The following ADAM12 variants were observed in gnomAD, a reference collection of about 807,000 sequenced individuals.
ADAM12 encodes disintegrin and metalloproteinase domain-containing protein 12.
In ADAM12, 70 loss-of-function variants were observed where a neutral mutation model predicts 106.4. The ratio of observed to expected loss-of-function variants is 0.66; its 90% CI spans 0.54 to 0.80. ADAM12 has a LOEUF of 0.80. Among genes scored for constraint, ADAM12 ranks in the 30% least tolerant of loss-of-function variants. The probability of loss-of-function intolerance (pLI) is 0.00; values close to 1 mark genes in which losing one functional copy is unlikely to be tolerated. For missense variants in ADAM12, 1,010 were observed against 1,171.9 expected (o/e 0.86, Z 2.02); for synonymous variants, 420 against 433.5 (o/e 0.97, Z 0.39).
chr10:126,344,936 G>A (rs1855078802), intron 1 of ADAM12, among the ~76,000 whole-genome samples: 1 of 152,096 alleles, frequency 6.6e-6, no homozygotes, highest in Admixed American at 6.5e-5. Context: ...GAGACGATGG[G>A]GTTTTCTAAA....
chr10:126,231,368 C>A (rs1439118108), intron 3 of ADAM12, among the ~76,000 whole-genome samples: 1 of 149,034 alleles, frequency 6.7e-6, no homozygotes, highest in Non-Finnish European at 1.5e-5. Flanking sequence ...GGAAATAAGG[C>A]AACAGAAATA....
At chr10:126,115,892 T>C (rs1399128172) in intron 6 of ADAM12, among the ~76,000 whole-genome samples, 1 of 152,240 alleles carries the variant, frequency 6.6e-6, no homozygotes, top group Non-Finnish European at 1.5e-5. Flanking sequence ...TGAAATTATT[T>C]TTCGCACCAT....
intron 14 of ADAM12, among the ~76,000 whole-genome samples, chr10:126,052,766 C>A (rs1171582254): frequency 6.6e-6 from 1 of 152,078 alleles, no homozygotes; most frequent in Non-Finnish European, 1.5e-5. Flanking sequence ...ACGTGAATAC[C>A]AGATAAAGGG....
At chr10:126,067,650 C>G (rs1200197003) in intron 12 of ADAM12, among the ~76,000 whole-genome samples, 1 of 152,198 alleles carries the variant, frequency 6.6e-6, no homozygotes. Flanking sequence ...AGTCCTTGTA[C>G]TTGAGAACAT....
chr10:126,153,236 G>A (rs1456592995), intron 4 of ADAM12, among the ~76,000 whole-genome samples: 2 of 152,154 alleles, frequency 1.3e-5, no homozygotes, highest in Non-Finnish European at 2.9e-5. Flanking sequence ...TAGCTCTCAA[G>A]TTTTAATTGC....
intron 3 of ADAM12, among the ~76,000 whole-genome samples, chr10:126,188,698 C>T (rs1590588347): frequency 1.3e-5 from 2 of 152,304 alleles, no homozygotes; most frequent in African/African-American, 2.4e-5. Context: ...ATCCCCTCAT[C>T]TTACCTTTGG....
intron 3 of ADAM12, among the ~76,000 whole-genome samples, chr10:126,190,102 C>A (rs544063045): frequency 6.6e-6 from 1 of 152,162 alleles, no homozygotes; most frequent in Non-Finnish European, 1.5e-5. Flanking sequence ...GCTTCCCCAC[C>A]TGTTGAGACA....
At chr10:126,261,798 A>T (rs1959005684) in intron 3 of ADAM12, among the ~76,000 whole-genome samples, 1 of 112,696 alleles carries the variant, frequency 8.9e-6, no homozygotes, top group Non-Finnish European at 1.8e-5. Context: ...GGATGGATGG[A>T]TAGTATTTTT....
chr10:126,017,455 A>C lies in ADAM12; in HGVS notation c.2661-116T>G. Reference sequence around the variant, plus strand: ...TAGTCTGAAGGGTTTTCTGTGTCAGATACCACTGCCCCTCATAACGGGGGT... The same window carrying C: ...TAGTCTGAAGGGTTTTCTGTGTCAGCTACCACTGCCCCTCATAACGGGGGT... On this transcript the variant is annotated intron_variant, in intron 22 of 22. Coordinates refer to ENST00000448723, the MANE Select transcript of ADAM12 (RefSeq NM_001288973.2). 2 of 1,023,144 alleles carry C rather than the reference A, an allele frequency of 2.0e-6. 1 individual carries two copies. Among genetic ancestry groups the C allele is most frequent in the South Asian group, 3.4e-5 (2 of 59,398 alleles). The allele number at this position is 1,023,144 out of a possible 1,614,324, so 63.4% of individuals were successfully genotyped here. A position where few individuals can be genotyped will look rare whatever the true frequency, so the allele number is the denominator to read the frequency against.
chr10:126,032,637 G>T (rs1590309927), intron 21 of ADAM12, among the ~76,000 whole-genome samples: 2 of 152,202 alleles, frequency 1.3e-5, no homozygotes, highest in Non-Finnish European at 2.9e-5. Flanking sequence ...AAATAAAAAA[G>T]TTCAGGATGA....
intron 4 of ADAM12, among the ~76,000 whole-genome samples, chr10:126,138,866 T>G (rs1212508179): frequency 6.6e-6 from 1 of 151,484 alleles, no homozygotes; most frequent in African/African-American, 2.4e-5. Context: ...TTTACATCTT[T>G]AGCCATCTTG....
intron 3 of ADAM12, among the ~76,000 whole-genome samples, chr10:126,240,568 C>A (rs573567870): frequency 1.3e-5 from 2 of 152,232 alleles, no homozygotes; most frequent in African/African-American, 4.8e-5. Flanking sequence ...TTCACACAGG[C>A]AGTCAGCTGT....
intron 2 of ADAM12, among the ~76,000 whole-genome samples, chr10:126,306,432 G>C (rs1188551913): frequency 1.1e-4 from 17 of 152,020 alleles, no homozygotes; most frequent in Admixed American, 1.0e-3. Flanking sequence ...TTGTTTTAAA[G>C]AGTTAATAGT....
intron 2 of ADAM12, among the ~76,000 whole-genome samples, chr10:126,322,309 G>C (rs1854128461): frequency 6.6e-6 from 1 of 152,154 alleles, no homozygotes; most frequent in Admixed American, 6.5e-5. Flanking sequence ...AAAATCTGCA[G>C]AACCCCAGTC....
intron 3 of ADAM12, among the ~76,000 whole-genome samples, chr10:126,261,698 G>A (rs1188825231): frequency 6.6e-6 from 1 of 152,026 alleles, no homozygotes; most frequent in Non-Finnish European, 1.5e-5. Flanking sequence ...AGAATATGCA[G>A]TATGGCATCA....
At chr10:126,356,931 A>G (rs2133895700) in intron 1 of ADAM12, among the ~76,000 whole-genome samples, 1 of 152,320 alleles carries the variant, frequency 6.6e-6, no homozygotes, top group Non-Finnish European at 1.5e-5. Flanking sequence ...CAGAGGAACA[A>G]ACAGAAAAAT....
intron 1 of ADAM12, among the ~76,000 whole-genome samples, chr10:126,371,141 T>C (rs1481089045): frequency 6.6e-6 from 1 of 152,214 alleles, no homozygotes; most frequent in Non-Finnish European, 1.5e-5. Flanking sequence ...GGCTTTCCTA[T>C]CTGGAAGAAA....
intron 20 of ADAM12, among the ~76,000 whole-genome samples, chr10:126,037,620 G>A (rs1954083776): frequency 6.6e-6 from 1 of 152,180 alleles, no homozygotes; most frequent in Admixed American, 6.5e-5. Flanking sequence ...AGAAAAACTC[G>A]GTGGGGAAGA....
chr10:126,063,916 A>AT (rs1292891758), intron 14 of ADAM12, among the ~76,000 whole-genome samples: 1 of 152,158 alleles, frequency 6.6e-6, no homozygotes, highest in Non-Finnish European at 1.5e-5. Context: ...CTTCTGCTTC[A>AT]TTTTGGAGCT....
Sources: gnomAD v4.1 joint callset for allele counts (sites outside exome capture counted in the v4.1 genomes callset) on GRCh38, gnomAD v4.1.1 for gene constraint, MANE v1.5 for transcripts, NCBI Gene and HGNC (gene_info 2026-07-23, HGNC 2026-07-21) for gene names.